MYH16: variants seen among roughly 807,000 people sequenced by gnomAD.
MYH16 encodes putative uncharacterized protein MYH16.
At chr7:99,309,750 A>C (rs1246268729), downstream of MYH16, among the ~76,000 whole-genome samples, 2 of 152,256 alleles carry the variant, frequency 1.3e-5, no homozygotes, top group Non-Finnish European at 2.9e-5. Flanking sequence ...TTGCTCTGTC[A>C]CAGCAAGGAT....
chr7:99,273,445 C>T, intron 20 of MYH16, 22 bp downstream of exon 2: 2 of 456,622 alleles, frequency 4.4e-6, no homozygotes, highest in Non-Finnish European at 8.8e-6. Context: ...GGGGCCAGGC[C>T]AGGGGGGACT....
intron 26 of MYH16, 76 bp from the exon 9 acceptor site, chr7:99,285,306 C>T (rs1239659919): frequency 8.9e-6 from 4 of 447,926 alleles, no homozygotes; most frequent in South Asian, 4.7e-5. Context: ...CCCTATTTTC[C>T]GTCCTAAAAG....
chr7:99,273,501 GC>G (rs1247435113), intron 20 of MYH16, 78 bp downstream of exon 2: 1 of 447,276 alleles, frequency 2.2e-6, no homozygotes, highest in East Asian at 7.0e-5. Context: ...GGACAGAGAT[GC>G]CCCTCGGGAG....
exon 21 of MYH16, chr7:99,277,550 C>A (rs1792132187): frequency 2.2e-6 from 1 of 457,084 alleles, no homozygotes; most frequent in South Asian, 1.5e-5. Context: ...TCAAGCCACT[C>A]CTGAATGTGG....
downstream of MYH16, among the ~76,000 whole-genome samples, chr7:99,307,565 TA>T (rs1025036074): frequency 4.0e-5 from 6 of 149,766 alleles, no homozygotes; most frequent in African/African-American, 1.5e-4. Context: ...TCTACAAAAA[TA>T]AAAAAAAATT....
intron 7 of MYH16, chr7:99,253,502 C>T (rs977119550): frequency 1.3e-5 from 2 of 152,112 alleles, no homozygotes; most frequent in Non-Finnish European, 2.9e-5. Flanking sequence ...AGTGGGAGGT[C>T]CTTCTGATTG....
chr7:99,279,241 C>T (rs1301479030), intron 21 of MYH16, among the ~76,000 whole-genome samples: 2 of 151,482 alleles, frequency 1.3e-5, no homozygotes, highest in East Asian at 1.9e-4. Context: ...TACCTGTAGC[C>T]TCAGCTACTT....
chr7:99,286,737 T>C (rs1349420397), intron 28 of MYH16, among the ~76,000 whole-genome samples: 1 of 151,306 alleles, frequency 6.6e-6, no homozygotes, highest in Non-Finnish European at 1.5e-5. Flanking sequence ...AGCAGAAGGA[T>C]CACTTGAGCC....
chr7:99,258,567 A>G (rs1304929796), intron 11 of MYH16, among the ~76,000 whole-genome samples: 1 of 152,128 alleles, frequency 6.6e-6, no homozygotes, highest in Admixed American at 6.5e-5. Flanking sequence ...TTCCAGCTTC[A>G]TTTGTATGGT....
At chr7:99,296,451 G>C (rs1034354986) in intron 33 of MYH16, among the ~76,000 whole-genome samples, 1 of 151,944 alleles carries the variant, frequency 6.6e-6, no homozygotes, top group African/African-American at 2.4e-5. Context: ...ATTCTAACCT[G>C]GGAAAATAAG....
intron 17 of MYH16, among the ~76,000 whole-genome samples, chr7:99,266,281 TC>T (rs1458845678): frequency 6.6e-6 from 1 of 152,146 alleles, no homozygotes; most frequent in African/African-American, 2.4e-5. Context: ...CATTCCCCAC[TC>T]TGCCACCTCC....
intron 32 of MYH16, among the ~76,000 whole-genome samples, chr7:99,292,914 C>T (rs979144797): frequency 6.6e-6 from 1 of 150,902 alleles, no homozygotes; most frequent in Non-Finnish European, 1.5e-5. Context: ...GAGCAATGAT[C>T]GAGCCACTGC....
At chr7:99,289,194 C>G (rs1792332490) in intron 29 of MYH16, 93 bp from the exon 11 acceptor site, 2 of 217,444 alleles carry the variant, frequency 9.2e-6, no homozygotes, top group Non-Finnish European at 9.8e-6. Context: ...GGGAGGCACA[C>G]AGGAAGAACA....
At chr7:99,292,769 G>A (rs151175661) in intron 32 of MYH16, among the ~76,000 whole-genome samples, 5 of 152,224 alleles carry the variant, frequency 3.3e-5, no homozygotes, top group Non-Finnish European at 2.9e-5. Context: ...AGGCCAGCCC[G>A]GGCTACATGG....
At chr7:99,253,556 C>G (rs1791837594) in intron 7 of MYH16, 1 of 151,958 alleles carries the variant, frequency 6.6e-6, no homozygotes, top group Non-Finnish European at 1.5e-5. Context: ...CCCAGGACTC[C>G]CCCCGTGGCA....
exon 18 of MYH16, chr7:99,266,911 C>T (rs1230546607): frequency 6.5e-6 from 1 of 152,684 alleles, no homozygotes; most frequent in African/African-American, 2.4e-5. Flanking sequence ...ACAAAAAGGC[C>T]TCAGAGCTGC....
intron 23 of MYH16, among the ~76,000 whole-genome samples, chr7:99,281,751 G>A (rs944617211): frequency 3.3e-5 from 5 of 152,158 alleles, no homozygotes; most frequent in African/African-American, 9.7e-5. Context: ...GAGACCCACC[G>A]ACTTTCCCAG....
chr7:99,285,001 T>C, intron 26 of MYH16, 66 bp downstream of exon 8: 1 of 452,160 alleles, frequency 2.2e-6, no homozygotes, highest in Non-Finnish European at 4.5e-6. Context: ...GTTTTGTTCA[T>C]GTCAGCTACT....
chr7:99,284,214 T>A (rs1186285320), intron 25 of MYH16, among the ~76,000 whole-genome samples, 196 bp downstream of exon 7: 1 of 151,972 alleles, frequency 6.6e-6, no homozygotes, highest in Non-Finnish European at 1.5e-5. Context: ...TGTCACACAA[T>A]ACCTGGTGGG....
Sources: gnomAD v4.1 joint callset for allele counts (sites outside exome capture counted in the v4.1 genomes callset) on GRCh38, gnomAD v4.1.1 for gene constraint, MANE v1.5 for transcripts, NCBI Gene and HGNC (gene_info 2026-07-23, HGNC 2026-07-21) for gene names.